The following TTLL11 variants were observed in gnomAD, a reference collection of about 807,000 sequenced individuals.
The protein encoded by TTLL11 is tubulin polyglutamylase TTLL11.
A neutral mutation model predicts 51.7 loss-of-function variants in TTLL11; 42 were observed. That is an observed-to-expected ratio of 0.81 (90% CI 0.64 to 1.05). The LOEUF is 1.05. Among genes scored for constraint, TTLL11 ranks in the 50% least tolerant of loss-of-function variants. TTLL11 has a pLI of 0.00. For synonymous variants in TTLL11, 381 were observed against 383.5 expected (o/e 0.99, Z 0.08); for missense variants, 799 against 940.4 (o/e 0.85, Z 1.97).
chr9:121,970,972 G>A (rs1373955861), intron 6 of TTLL11, among the ~76,000 whole-genome samples: 5 of 152,182 alleles, frequency 3.3e-5, no homozygotes, highest in African/African-American at 4.8e-5. Context: ...ATGATAGACT[G>A]GATAAAGAAA....
chr9:122,031,846 C>A lies in TTLL11; in HGVS notation c.570G>T (p.Glu190Asp). 6.2e-7 allele frequency: 1 copy of A among 1,613,332 alleles called. No homozygotes were observed. Among genetic ancestry groups the A allele is most frequent in the Non-Finnish European group, 8.5e-7 (1 of 1,179,532 alleles). The change falls in exon 3 of 9, where the codon GAG becomes GAT. Residue 190 changes from glutamate to aspartate, a missense_variant. By Grantham distance (45) the Glu-to-Asp change is conservative (BLOSUM62 2). This residue lies in a region of TTLL11 where 468 missense variants were observed against 612.8 expected (regional missense o/e 0.76). Transcript: ENST00000321582. ...TGCTCAGAGTAATTTTACGCACCAT[C>A]TCCGTCATGCCTGGGGAGAAGAGAC... ...GQVNKFPGMTEMVRKITLSRA... is the reference protein window; with the variant it reads ...GQVNKFPGMTDMVRKITLSRA...
chr9:122,074,107 T>C (rs562339192), intron 1 of TTLL11, among the ~76,000 whole-genome samples: 1 of 152,152 alleles, frequency 6.6e-6, no homozygotes, highest in East Asian at 1.9e-4. Flanking sequence ...ACCCCATCTT[T>C]ACCAAATATA....
intron 6 of TTLL11, among the ~76,000 whole-genome samples, chr9:121,915,990 T>TAAACACAC (rs1491556213): frequency 1.5e-5 from 2 of 134,252 alleles, no homozygotes; most frequent in Non-Finnish European, 3.1e-5. Context: ...GACACACACA[T>TAAACACAC]ACACACACAC....
At chr9:121,838,613 G>A (rs1053197744) in intron 8 of TTLL11, among the ~76,000 whole-genome samples, 1 of 152,180 alleles carries the variant, frequency 6.6e-6, no homozygotes, top group Admixed American at 6.5e-5. Context: ...CAGCTACTCA[G>A]GAGGCTGAAG....
chr9:121,977,022 C>G (rs1842727336), intron 4 of TTLL11, among the ~76,000 whole-genome samples: 1 of 152,220 alleles, frequency 6.6e-6, no homozygotes, highest in African/African-American at 2.4e-5. Context: ...TCAACTCTTA[C>G]TTTTTGGTAT....
chr9:122,027,099 G>A (rs530971991), intron 3 of TTLL11, among the ~76,000 whole-genome samples: 9 of 152,234 alleles, frequency 5.9e-5, no homozygotes, highest in East Asian at 3.9e-4. Flanking sequence ...ACTCTCAATC[G>A]TGGCAGAAGG....
chr9:121,855,219 A>C (rs941971610), intron 8 of TTLL11, among the ~76,000 whole-genome samples: 12 of 152,192 alleles, frequency 7.9e-5, no homozygotes, highest in African/African-American at 2.9e-4. Context: ...AAAGTAGGTT[A>C]TGCGTGGATC....
intron 3 of TTLL11, among the ~76,000 whole-genome samples, chr9:122,023,068 G>T (rs10121650): frequency 0.044 from 6,673 of 151,714 alleles, 175 homozygotes; most frequent in African/African-American, 0.073. Flanking sequence ...AACAGACTGA[G>T]CAGAGGGAAA....
chr9:121,979,853 C>T (rs1842790985), intron 4 of TTLL11, among the ~76,000 whole-genome samples: 1 of 152,130 alleles, frequency 6.6e-6, no homozygotes, highest in Non-Finnish European at 1.5e-5. Context: ...TCTCCTCCCA[C>T]TTACTATTAC....
At chr9:121,925,384 G>A (rs901626542) in intron 6 of TTLL11, among the ~76,000 whole-genome samples, 1 of 152,158 alleles carries the variant, frequency 6.6e-6, no homozygotes, top group Admixed American at 6.5e-5. Context: ...GAGGCCTCCC[G>A]CTGCCGGGCC....
chr9:121,893,347 C>G (rs539659018), intron 6 of TTLL11, among the ~76,000 whole-genome samples: 3 of 134,950 alleles, frequency 2.2e-5, no homozygotes, highest in African/African-American at 7.6e-5. Context: ...TCCATGCATG[C>G]ATATGTGTGT....
At chr9:121,985,577 C>T (rs901788058) in intron 4 of TTLL11, among the ~76,000 whole-genome samples, 3 of 136,840 alleles carry the variant, frequency 2.2e-5, no homozygotes, top group African/African-American at 8.5e-5. Context: ...AGTGCAGTGG[C>T]GCGATCTCGG....
chr9:121,866,211 C>A (rs1047670074), intron 7 of TTLL11, among the ~76,000 whole-genome samples: 7 of 152,026 alleles, frequency 4.6e-5, no homozygotes, highest in Admixed American at 4.6e-4. Flanking sequence ...AAATTTAAAC[C>A]AAAGTGGAAC....
intron 6 of TTLL11, among the ~76,000 whole-genome samples, chr9:121,955,796 A>G (rs1355311395): frequency 1.3e-5 from 2 of 152,190 alleles, no homozygotes; most frequent in African/African-American, 4.8e-5. Flanking sequence ...AAGGCCTTCG[A>G]CTTCTCTATG....
intron 6 of TTLL11, among the ~76,000 whole-genome samples, chr9:121,915,990 T>TACACACACAC (rs59554930): frequency 4.1e-4 from 55 of 134,328 alleles, no homozygotes; most frequent in East Asian, 3.1e-3. Context: ...GACACACACA[T>TACACACACAC]ACACACACAC....
chr9:121,846,052 C>CA (rs1190697339), intron 8 of TTLL11, among the ~76,000 whole-genome samples: 1 of 131,200 alleles, frequency 7.6e-6, no homozygotes, highest in East Asian at 2.3e-4. Context: ...AATGTAAAAA[C>CA]AACAAAAAAA....
intron 6 of TTLL11, among the ~76,000 whole-genome samples, chr9:121,908,582 A>T (rs1244460877): frequency 6.6e-6 from 1 of 152,234 alleles, no homozygotes; most frequent in Non-Finnish European, 1.5e-5. Flanking sequence ...AGTAACTAAT[A>T]AAGTCATTTT....
In TTLL11 at chr9:121,974,099, A is replaced by T. The variant is rs1842641091; in HGVS notation, c.1391T>A (p.Val464Asp). ...HELSPGVFEN[V>D]PSLVDEEVKV... ...CACTTCTTCATCAACGAGGCTGGGG[A>T]CATTTTCAAACACCCCTGGAGAAAG... The change falls in exon 6 of 9, where the codon GTC becomes GAC. Residue 464 changes from valine (V) to aspartate (D), a missense_variant. Val to Asp is a radical substitution (Grantham distance 152). Around this residue, in one of 3 missense-constraint regions of TTLL11, gnomAD observed 468 missense variants for 612.8 expected, o/e 0.76. Coordinates refer to ENST00000321582, the MANE Select transcript of TTLL11 (RefSeq NM_001139442.2). 2 of 1,551,458 alleles carry T rather than the reference A, an allele frequency of 1.3e-6. No homozygotes were observed. The highest frequency in any genetic ancestry group is 1.7e-6 in the Non-Finnish European group (2 of 1,146,970).
intron 1 of TTLL11, among the ~76,000 whole-genome samples, chr9:122,045,980 G>A (rs1050525580): frequency 1.1e-4 from 17 of 152,202 alleles, no homozygotes; most frequent in South Asian, 2.1e-4. Context: ...GACAGTGATG[G>A]TTGGACAGCA....
Sources: allele counts gnomAD v4.1 joint callset (sites outside exome capture counted in the v4.1 genomes callset), GRCh38; gene constraint gnomAD v4.1.1; regional missense constraint gnomAD v4.1.1; transcripts MANE v1.5; gene names NCBI Gene and HGNC (gene_info 2026-07-23, HGNC 2026-07-21).